DENND5B: variants seen among roughly 807,000 people sequenced by gnomAD.
DENND5B encodes DENN domain containing 5B.
DENND5B carries 34 observed loss-of-function variants against 140.6 expected under a neutral mutation model. The ratio of observed to expected loss-of-function variants is 0.24; its 90% confidence interval spans 0.18 to 0.32. The LOEUF is 0.32. Among genes scored for constraint, DENND5B ranks in the 10% least tolerant of loss-of-function variants. The pLI is 1.00. For synonymous variants in DENND5B, 551 were observed against 562.1 expected (o/e 0.98, Z 0.28); for missense variants, 1,142 against 1,560.2 (o/e 0.73, Z 4.52).
chr12:31,522,082 TG>T (rs1400306731), intron 1 of DENND5B, among the ~76,000 whole-genome samples: 2 of 152,202 alleles, frequency 1.3e-5, no homozygotes, highest in Admixed American at 1.3e-4. Context: ...CTTTTACAAA[TG>T]TTTTCCCTCA....
chr12:31,541,300 C>T (rs1948674581), intron 1 of DENND5B, among the ~76,000 whole-genome samples: 1 of 152,042 alleles, frequency 6.6e-6, no homozygotes, highest in Non-Finnish European at 1.5e-5. Flanking sequence ...TTGAAACTAC[C>T]CATCTGGCAA....
chr12:31,521,347 T>C (rs1230341339), intron 1 of DENND5B, among the ~76,000 whole-genome samples: 4 of 151,044 alleles, frequency 2.6e-5, no homozygotes, highest in African/African-American at 9.7e-5. Flanking sequence ...AGACAGCGTC[T>C]CACTATGCTG....
At chr12:31,584,066 C>T (rs1187889192) in intron 1 of DENND5B, among the ~76,000 whole-genome samples, 1 of 152,110 alleles carries the variant, frequency 6.6e-6, no homozygotes, top group Non-Finnish European at 1.5e-5. Context: ...ACTAACAATG[C>T]ATTGTATTCT....
intron 3 of DENND5B, among the ~76,000 whole-genome samples, chr12:31,472,445 C>T (rs1196077887): frequency 6.6e-6 from 1 of 152,144 alleles, no homozygotes; most frequent in African/African-American, 2.4e-5. Context: ...GGGCACACCA[C>T]CATGCCTGCC....
At position 31,442,931 on chromosome 12, in the gene DENND5B, A is replaced by G; in HGVS notation, c.1862-6T>C. 6.5e-7 allele frequency: 1 copy of G among 1,549,564 alleles called. No individual in the cohort carries two copies. Among genetic ancestry groups the G allele is most frequent in the Non-Finnish European group, 8.7e-7 (1 of 1,146,894 alleles). ...TCTCTGCTCAATTGATTGGGCTATA[A>G]ATTAAATTTATAATAAATTAGAGAC... On this transcript the variant is annotated splice_region_variant and splice_polypyrimidine_tract_variant and intron_variant, in intron 6 of 20. Coordinates refer to ENST00000389082, the MANE Select transcript of DENND5B (RefSeq NM_144973.4).
chr12:31,510,458 G>A (rs995854655), intron 1 of DENND5B, among the ~76,000 whole-genome samples: 3 of 152,134 alleles, frequency 2.0e-5, no homozygotes, highest in African/African-American at 7.2e-5. Context: ...TAGGACCACA[G>A]GCGCCCGCCA....
intron 1 of DENND5B, among the ~76,000 whole-genome samples, chr12:31,538,843 T>C (rs1428331684): frequency 6.6e-6 from 1 of 151,810 alleles, no homozygotes; most frequent in African/African-American, 2.4e-5. Context: ...CACTCCAGGG[T>C]GGGCAACAGA....
At chr12:31,438,092 C>T (rs987944823) in intron 7 of DENND5B, among the ~76,000 whole-genome samples, 3 of 152,182 alleles carry the variant, frequency 2.0e-5, no homozygotes, top group Non-Finnish European at 4.4e-5. Flanking sequence ...TCTCCTGCCT[C>T]AGCCTCCCGA....
intron 1 of DENND5B, among the ~76,000 whole-genome samples, chr12:31,586,295 C>T (rs1228867165): frequency 1.3e-5 from 2 of 152,098 alleles, no homozygotes; most frequent in Non-Finnish European, 2.9e-5. Context: ...AAACCTTTTC[C>T]TTATCTTTAA....
At chr12:31,430,717 A>T (rs1943474084) in intron 8 of DENND5B, among the ~76,000 whole-genome samples, 1 of 152,142 alleles carries the variant, frequency 6.6e-6, no homozygotes, top group Admixed American at 6.6e-5. Context: ...TATATAAAGG[A>T]AAACAAGCTA....
At chr12:31,416,276 A>T (rs1942733132) in intron 11 of DENND5B, among the ~76,000 whole-genome samples, 2 of 150,520 alleles carry the variant, frequency 1.3e-5, no homozygotes, top group African/African-American at 4.9e-5. Context: ...TTTTTTTTTT[A>T]AATATAGTCT....
chr12:31,494,833 T>A (rs918260085), intron 2 of DENND5B, among the ~76,000 whole-genome samples: 3 of 152,182 alleles, frequency 2.0e-5, no homozygotes, highest in African/African-American at 7.2e-5. Flanking sequence ...CTAGAGGGTA[T>A]TTAAACCTCA....
intron 7 of DENND5B, among the ~76,000 whole-genome samples, chr12:31,438,780 A>G (rs992878644): frequency 1.3e-5 from 2 of 152,176 alleles, no homozygotes; most frequent in African/African-American, 4.8e-5. Context: ...TTGCTCAGGG[A>G]TTTTAAAAAT....
At chr12:31,404,257 T>C (rs924207411) in intron 14 of DENND5B, among the ~76,000 whole-genome samples, 1 of 152,100 alleles carries the variant, frequency 6.6e-6, no homozygotes, top group Non-Finnish European at 1.5e-5. Flanking sequence ...TTTAAGCACA[T>C]AAGCATTTTT....
chr12:31,551,366 T>C (rs1949053610), intron 1 of DENND5B, among the ~76,000 whole-genome samples: 1 of 152,152 alleles, frequency 6.6e-6, no homozygotes, highest in Non-Finnish European at 1.5e-5. Context: ...AAAGATCAGA[T>C]AGTTGTAGAT....
At chr12:31,570,505 C>T (rs1222565372) in intron 1 of DENND5B, among the ~76,000 whole-genome samples, 3 of 150,520 alleles carry the variant, frequency 2.0e-5, no homozygotes, top group Non-Finnish European at 4.4e-5. Flanking sequence ...TCTCGATCTC[C>T]TGACCTCGTG....
chr12:31,496,693 G>A (rs770700375), intron 1 of DENND5B, among the ~76,000 whole-genome samples: 1 of 151,866 alleles, frequency 6.6e-6, no homozygotes, highest in Non-Finnish European at 1.5e-5. Flanking sequence ...GTGAGACCCC[G>A]TTTCTTTTCT....
chr12:31,447,810 C>T (rs1944336301), intron 5 of DENND5B, 41 bp from the exon 6 acceptor site: 1 of 1,345,744 alleles, frequency 7.4e-7, no homozygotes, highest in African/African-American at 1.5e-5. Flanking sequence ...GCAAAGAGAC[C>T]ATCTCAACAC....
chr12:31,445,550 A>G (rs976506448), intron 6 of DENND5B, among the ~76,000 whole-genome samples: 1 of 152,094 alleles, frequency 6.6e-6, no homozygotes, highest in Non-Finnish European at 1.5e-5. Flanking sequence ...CCAAAAATAC[A>G]AAAAATTAGC....
Sources: allele counts gnomAD v4.1 joint callset (sites outside exome capture counted in the v4.1 genomes callset), GRCh38; gene constraint gnomAD v4.1.1; transcripts MANE v1.5; gene names NCBI Gene and HGNC (gene_info 2026-07-23, HGNC 2026-07-21).